GPATCH8: variants seen among roughly 807,000 people sequenced by gnomAD.
GPATCH8 encodes G-patch domain containing 8, also known as G patch domain-containing protein 8.
In GPATCH8, 18 loss-of-function variants were observed where a neutral mutation model predicts 118.3. The ratio of observed to expected loss-of-function variants is 0.15; its 90% CI spans 0.11 to 0.23. GPATCH8 has a LOEUF of 0.23. Among genes scored for constraint, GPATCH8 ranks in the 10% least tolerant of loss-of-function variants. GPATCH8 has a pLI of 1.00. For missense variants in GPATCH8, 1,631 were observed against 1,873.8 expected, an observed-to-expected ratio of 0.87 and a Z score of 2.39; for synonymous variants, 659 against 684.7, an observed-to-expected ratio of 0.96 and a Z score of 0.59.
At chr17:44,475,950 G>A (rs1230385363) in intron 1 of GPATCH8, among the ~76,000 whole-genome samples, 3 of 152,024 alleles carry the variant, frequency 2.0e-5, no homozygotes, top group Non-Finnish European at 4.4e-5. Context: ...GATCACTTAG[G>A]CCAAGGAGGT....
At chr17:44,421,007 C>T (rs544380181) in intron 6 of GPATCH8, among the ~76,000 whole-genome samples, 14 of 152,022 alleles carry the variant, frequency 9.2e-5, no homozygotes, top group South Asian at 8.3e-4. Flanking sequence ...CAGGCCACCA[C>T]GCCTGGCTAA....
chr17:44,424,032 A>G (rs2050005192), intron 6 of GPATCH8, among the ~76,000 whole-genome samples: 1 of 152,236 alleles, frequency 6.6e-6, no homozygotes, highest in Admixed American at 6.5e-5. Flanking sequence ...GCAGAAATGG[A>G]AACAAAGCTC....
At chr17:44,414,558 C>T (rs1001051970) in intron 6 of GPATCH8, among the ~76,000 whole-genome samples, 1 of 152,222 alleles carries the variant, frequency 6.6e-6, no homozygotes, top group African/African-American at 2.4e-5. Context: ...ATCCTCCTGC[C>T]TTGGCCTCCC....
At chr17:44,461,400 G>A in intron 3 of GPATCH8, among the ~76,000 whole-genome samples, 1 of 151,870 alleles carries the variant, frequency 6.6e-6, no homozygotes, top group Middle Eastern at 3.4e-3. Flanking sequence ...GCCCAGGCTG[G>A]TCTCAACTCC....
intron 3 of GPATCH8, among the ~76,000 whole-genome samples, chr17:44,445,506 T>C (rs928017550): frequency 8.6e-5 from 13 of 151,796 alleles, no homozygotes; most frequent in Admixed American, 1.3e-4. Flanking sequence ...CTTTTTCTTT[T>C]TTTTTTTTCC....
intron 3 of GPATCH8, among the ~76,000 whole-genome samples, chr17:44,442,186 TTCTGGGCACTGC>T (rs2050723524): frequency 7.0e-6 from 1 of 143,868 alleles, no homozygotes; most frequent in African/African-American, 2.5e-5. Context: ...CAAGGCACTG[TTCTGGGCACTGC>T]ATATAGTGAT....
intron 1 of GPATCH8, among the ~76,000 whole-genome samples, chr17:44,475,565 G>C (rs983315524): frequency 2.0e-5 from 3 of 151,452 alleles, no homozygotes; most frequent in African/African-American, 7.3e-5. Flanking sequence ...GTGGTGGCAG[G>C]TGCCTGTAGT....
chr17:44,405,035 G>C (rs1369520141), intron 7 of GPATCH8, among the ~76,000 whole-genome samples: 1 of 152,138 alleles, frequency 6.6e-6, no homozygotes, highest in Non-Finnish European at 1.5e-5. Context: ...CAAATAGTTA[G>C]AAAGAGGATA....
intron 5 of GPATCH8, among the ~76,000 whole-genome samples, chr17:44,426,355 C>A (rs1015132552): frequency 6.6e-6 from 1 of 152,208 alleles, no homozygotes; most frequent in Non-Finnish European, 1.5e-5. Flanking sequence ...GTAATCCCAG[C>A]ACTTTGGGAG....
At position 44,470,494 on chromosome 17, in the gene GPATCH8, C is replaced by CTT. The variant is rs35343849; in HGVS notation, c.120+4333_120+4334dup. 9.8e-3 allele frequency among the ~76,000 whole-genome samples: 748 copies of CTT among 76,266 alleles called. 29 individuals carry two copies. Among genetic ancestry groups the CTT allele is most frequent in the South Asian group, 0.039 (99 of 2,544 alleles). 50.0% of individuals were successfully genotyped at this position (76,266 alleles called of 152,430 possible). On this transcript the variant is annotated intron_variant, in intron 2 of 7. Transcript: ENST00000591680. ...TAGGTGTGAGCCACTGCACCCAGCG[C>CTT]TTTTTTTTTTTTTTTTTTTTGAGAC...
intron 6 of GPATCH8, among the ~76,000 whole-genome samples, chr17:44,410,215 CA>C (rs1231089295): frequency 2.0e-5 from 3 of 152,206 alleles, no homozygotes; most frequent in African/African-American, 7.2e-5. Flanking sequence ...GCTCATTTGT[CA>C]CGGAATACCC....
intron 6 of GPATCH8, among the ~76,000 whole-genome samples, chr17:44,416,829 G>A (rs1262190188): frequency 4.6e-5 from 7 of 152,192 alleles, no homozygotes; most frequent in Non-Finnish European, 1.0e-4. Context: ...GGCTTCATCT[G>A]TTTTAGTTCT....
chr17:44,431,758 C>T (rs1200660062), intron 5 of GPATCH8, among the ~76,000 whole-genome samples: 1 of 151,666 alleles, frequency 6.6e-6, no homozygotes, highest in African/African-American at 2.4e-5. Flanking sequence ...TAGTGAGACC[C>T]TATCTCTTAA....
intron 2 of GPATCH8, chr17:44,474,622 T>C (rs1339187339): frequency 4.5e-6 from 3 of 660,612 alleles, no homozygotes; most frequent in Non-Finnish European, 8.2e-6. Flanking sequence ...TTCTAATGTG[T>C]TTCTAGATTT....
intron 1 of GPATCH8, among the ~76,000 whole-genome samples, chr17:44,502,385 C>T (rs554729614): frequency 2.0e-5 from 3 of 148,920 alleles, no homozygotes; most frequent in South Asian, 2.1e-4. Context: ...TGAGACTCTA[C>T]GGATGTATTT....
intron 2 of GPATCH8, 42 bp downstream of exon 2, chr17:44,474,787 A>C (rs1376195402): frequency 1.1e-6 from 1 of 951,582 alleles, no homozygotes; most frequent in Non-Finnish European, 1.7e-6. Context: ...ACACTACCTA[A>C]CTAACTAGCT....
intron 6 of GPATCH8, among the ~76,000 whole-genome samples, chr17:44,417,066 A>G (rs373522817): frequency 6.6e-6 from 1 of 151,872 alleles, no homozygotes; most frequent in Non-Finnish European, 1.5e-5. Context: ...CTTGCTCAAT[A>G]TATTACCCAG....
chr17:44,495,618 ACT>A (rs1367130407), intron 1 of GPATCH8, among the ~76,000 whole-genome samples: 13 of 152,242 alleles, frequency 8.5e-5, no homozygotes, highest in African/African-American at 1.4e-4. Context: ...CTATTCAAAC[ACT>A]GTTTTATTTA....
chr17:44,437,303 T>G (rs1337539895), intron 3 of GPATCH8, among the ~76,000 whole-genome samples: 6 of 152,112 alleles, frequency 3.9e-5, no homozygotes. Context: ...TGATCTATGC[T>G]GGATAATTTT....
Sources: allele counts gnomAD v4.1 joint callset (sites outside exome capture counted in the v4.1 genomes callset), GRCh38; gene constraint gnomAD v4.1.1; transcripts MANE v1.5; gene names NCBI Gene and HGNC (gene_info 2026-07-23, HGNC 2026-07-21).